CSMD3: variants seen among roughly 807,000 people sequenced by gnomAD.
CSMD3 encodes the protein CUB and Sushi multiple domains 3, also known as CUB and sushi domain-containing protein 3.
A neutral mutation model predicts 435.2 loss-of-function variants in CSMD3; 177 were observed. The observed-to-expected ratio is 0.41, with a 90% CI of 0.36 to 0.46. The LOEUF is 0.46. CSMD3 is among the 20% of genes least tolerant of loss of function. The pLI, the probability that CSMD3 is intolerant of heterozygous loss-of-function variation, is 0.34. For missense variants in CSMD3, 4,265 were observed against 4,504.6 expected, an observed-to-expected ratio of 0.95 and a Z score of 1.52; for synonymous variants, 1,656 against 1,520.5, an observed-to-expected ratio of 1.09 and a Z score of -2.07.
rs536361361 is a variant in CSMD3, at chr8:112,485,998, T to C, written c.5278+6491A>G. ...TATCAGCATATGTGAAACAAAGGTATTGAAAAGAACAGAGCTAGCGCTGGC... is the reference window on the plus strand; with the variant it reads ...TATCAGCATATGTGAAACAAAGGTACTGAAAAGAACAGAGCTAGCGCTGGC... On this transcript the variant is annotated intron_variant, in intron 31 of 70. Transcript: ENST00000297405. Among the ~76,000 whole-genome samples the C allele has an allele frequency of 5.9e-5, 9 of 151,572 alleles. No individual in the cohort carries two copies. The South Asian group carries it at 1.9e-3, about 32-fold the overall frequency.
chr8:112,986,438 A>G (rs1328510956), intron 6 of CSMD3, among the ~76,000 whole-genome samples: 20 of 152,128 alleles, frequency 1.3e-4, no homozygotes, highest in Admixed American at 1.3e-3. Flanking sequence ...TGATGACATC[A>G]CAAGGACATC....
At chr8:112,801,174 A>G (rs551896552) in intron 12 of CSMD3, among the ~76,000 whole-genome samples, 50 of 152,200 alleles carry the variant, frequency 3.3e-4, no homozygotes, top group African/African-American at 1.1e-3. Flanking sequence ...TGCTAAAACC[A>G]TAAGGATTGC....
At chr8:112,518,530 C>T (rs1266712583) in intron 27 of CSMD3, among the ~76,000 whole-genome samples, 1 of 151,592 alleles carries the variant, frequency 6.6e-6, no homozygotes, top group Non-Finnish European at 1.5e-5. Context: ...CAGCAGAGCA[C>T]TAAATGGAGC....
chr8:112,717,712 C>T (rs868286433), intron 13 of CSMD3, among the ~76,000 whole-genome samples: 46 of 152,106 alleles, frequency 3.0e-4, no homozygotes, highest in Admixed American at 4.6e-4. Context: ...TACATATACA[C>T]CATGGAATAC....
At chr8:112,428,365 T>G (rs1813298552) in intron 32 of CSMD3, among the ~76,000 whole-genome samples, 1 of 152,098 alleles carries the variant, frequency 6.6e-6, no homozygotes, top group South Asian at 2.1e-4. Flanking sequence ...GAAAATAATT[T>G]CATCACAGAG....
intron 28 of CSMD3, among the ~76,000 whole-genome samples, chr8:112,507,257 C>T (rs1309552619): frequency 6.6e-6 from 1 of 152,090 alleles, no homozygotes; most frequent in Non-Finnish European, 1.5e-5. Flanking sequence ...CATGTCTCTC[C>T]TGGCACCTTT....
At chr8:113,267,201 A>G (rs2093478901) in intron 3 of CSMD3, among the ~76,000 whole-genome samples, 1 of 151,698 alleles carries the variant, frequency 6.6e-6, no homozygotes, top group Non-Finnish European at 1.5e-5. Flanking sequence ...GCTTTCTTAA[A>G]AAACTAAAAA....
At chr8:112,807,110 T>C (rs2079107865) in intron 12 of CSMD3, among the ~76,000 whole-genome samples, 1 of 152,192 alleles carries the variant, frequency 6.6e-6, no homozygotes, top group Admixed American at 6.5e-5. Flanking sequence ...ACCTTACCCC[T>C]GATGTCAATT....
intron 4 of CSMD3, among the ~76,000 whole-genome samples, chr8:113,123,191 C>T (rs966986594): frequency 6.6e-6 from 1 of 152,040 alleles, no homozygotes; most frequent in Non-Finnish European, 1.5e-5. Context: ...GCAACCTTGT[C>T]CTGTGATTGC....
chr8:112,576,174 A>G (rs1348550147), intron 23 of CSMD3, among the ~76,000 whole-genome samples: 2 of 152,264 alleles, frequency 1.3e-5, no homozygotes, highest in Admixed American at 6.5e-5. Flanking sequence ...TGGAACAAGT[A>G]ATTAATGTAA....
intron 5 of CSMD3, among the ~76,000 whole-genome samples, chr8:113,037,482 T>C (rs1407121956): frequency 1.3e-5 from 2 of 152,158 alleles, no homozygotes; most frequent in Non-Finnish European, 2.9e-5. Flanking sequence ...TTTATTTTCC[T>C]GTATTCATTT....
chr8:112,361,347 G>C (rs537643615), intron 38 of CSMD3, among the ~76,000 whole-genome samples: 1 of 151,522 alleles, frequency 6.6e-6, no homozygotes, highest in African/African-American at 2.4e-5. Context: ...AGTTATGTCT[G>C]TCTGCTGTCA....
intron 6 of CSMD3, among the ~76,000 whole-genome samples, chr8:112,994,650 A>G (rs1336063861): frequency 6.6e-6 from 1 of 151,484 alleles, no homozygotes; most frequent in Non-Finnish European, 1.5e-5. Context: ...AAGGGCTACA[A>G]ATTTCATGGA....
intron 10 of CSMD3, among the ~76,000 whole-genome samples, chr8:112,890,386 A>T (rs2081748764): frequency 6.6e-6 from 1 of 151,728 alleles, no homozygotes; most frequent in Admixed American, 6.6e-5. Flanking sequence ...ATGAGGTAAC[A>T]TTACTTTTTT....
At chr8:112,289,950 A>G (rs1452398555) in intron 56 of CSMD3, among the ~76,000 whole-genome samples, 1 of 152,138 alleles carries the variant, frequency 6.6e-6, no homozygotes, top group Non-Finnish European at 1.5e-5. Context: ...ATAGGACACC[A>G]TGTGGATTTA....
chr8:113,286,778 A>C (rs1378261682), intron 2 of CSMD3, among the ~76,000 whole-genome samples: 1 of 152,026 alleles, frequency 6.6e-6, no homozygotes, highest in Non-Finnish European at 1.5e-5. Context: ...ATGTTATTTA[A>C]AGAATGGATG....
intron 47 of CSMD3, among the ~76,000 whole-genome samples, chr8:112,315,112 A>T (rs1822341915): frequency 6.6e-6 from 1 of 151,926 alleles, no homozygotes; most frequent in Admixed American, 6.6e-5. Context: ...GATATCAGGT[A>T]TATGTTTACC....
intron 38 of CSMD3, among the ~76,000 whole-genome samples, chr8:112,352,892 A>C (rs930106327): frequency 2.0e-5 from 3 of 152,152 alleles, no homozygotes; most frequent in African/African-American, 7.2e-5. Context: ...TATTATGATA[A>C]TAGAAATAAA....
intron 2 of CSMD3, among the ~76,000 whole-genome samples, chr8:113,279,681 A>G (rs1402547440): frequency 6.6e-6 from 1 of 151,740 alleles, no homozygotes; most frequent in Non-Finnish European, 1.5e-5. Context: ...GTATTTTTTA[A>G]AAGTTATTTT....
Sources: gnomAD v4.1 joint callset for allele counts (sites outside exome capture counted in the v4.1 genomes callset) on GRCh38, gnomAD v4.1.1 for gene constraint, MANE v1.5 for transcripts, NCBI Gene and HGNC (gene_info 2026-07-23, HGNC 2026-07-21) for gene names.